EXOG: variants seen among roughly 807,000 people sequenced by gnomAD.
EXOG encodes the protein nuclease EXOG, mitochondrial.
A neutral mutation model predicts 25.8 loss-of-function variants in EXOG; 27 were observed. The ratio of observed to expected loss-of-function variants is 1.05; its 90% CI spans 0.77 to 1.45. The LOEUF is 1.45. Ranked by LOEUF, EXOG falls within the 40% of genes most tolerant of loss-of-function variation. The probability of loss-of-function intolerance (pLI) is 0.00; values close to 1 mark genes in which losing one functional copy is unlikely to be tolerated. For missense variants in EXOG, 458 were observed against 450.5 expected (o/e 1.02, Z -0.15); for synonymous variants, 133 against 167.0 (o/e 0.80, Z 1.57).
chr3:38,496,688 C>G (rs2059899376), intron 1 of EXOG, 158 bp downstream of exon 1: 1 of 1,441,864 alleles, frequency 6.9e-7, no homozygotes, highest in Middle Eastern at 2.2e-4. Flanking sequence ...GGCTCGGCCT[C>G]CCTTCCCCAC....
At chr3:38,512,507 T>G (rs553558123) in intron 5 of EXOG, among the ~76,000 whole-genome samples, 3 of 152,326 alleles carry the variant, frequency 2.0e-5, no homozygotes, top group Admixed American at 6.5e-5. Context: ...TATAAAATTA[T>G]GAAATTTATT....
Position 38,525,979 on chromosome 3 carries a change from C to A in EXOG, c.*1617C>A, listed in dbSNP as rs1176857284. The A allele has an allele frequency of 1.0e-6, 1 of 985,230 alleles. No homozygotes were observed. Among genetic ancestry groups the A allele is most frequent in the Non-Finnish European group, 1.2e-6 (1 of 829,922 alleles). 61.0% of individuals were successfully genotyped at this position (985,230 alleles called of 1,614,324 possible). Reference sequence around the variant, plus strand: ...AAGAAAAAAGAAAAAGGTCTGCCCACAAAATCACTAGCTTATTATTTGCTT... The same window carrying A: ...AAGAAAAAAGAAAAAGGTCTGCCCAAAAAATCACTAGCTTATTATTTGCTT... On this transcript the variant is annotated 3_prime_UTR_variant, in exon 6 of 6. Coordinates refer to ENST00000287675, the MANE Select transcript of EXOG (RefSeq NM_005107.4).
chr3:38,497,887 A>G, intron 2 of EXOG, 109 bp downstream of exon 2: 2 of 1,325,310 alleles, frequency 1.5e-6, no homozygotes, highest in Non-Finnish European at 2.0e-6. Flanking sequence ...ATCATAGCAC[A>G]TGTAGAAAAT....
rs1052278148 is a variant in EXOG, at chr3:38,526,229, A to G, written c.*1867A>G. ...ACTGCTGTCTTTTCCGAGTGGTATT[A>G]CAAGAAAGATTTTTGTGGTGTGTTT... On this transcript the variant is annotated 3_prime_UTR_variant, in exon 6 of 6. Transcript: ENST00000287675. The G allele has an allele frequency of 1.0e-6, 1 of 985,124 alleles. No individual in the cohort carries two copies. The highest frequency in any genetic ancestry group is 1.2e-6 in the Non-Finnish European group (1 of 829,756). 61.0% of individuals were successfully genotyped at this position (985,124 alleles called of 1,614,324 possible). A position where few individuals can be genotyped will look rare whatever the true frequency, so the allele number is the denominator to read the frequency against.
chr3:38,514,767 C>G (rs1373428386), intron 5 of EXOG, among the ~76,000 whole-genome samples: 4 of 120,450 alleles, frequency 3.3e-5, no homozygotes, highest in African/African-American at 1.6e-4. Context: ...ACCCTCCCCC[C>G]CCTCCCCCTG....
At chr3:38,500,573 A>G (rs1031458430) in intron 2 of EXOG, among the ~76,000 whole-genome samples, 1 of 152,216 alleles carries the variant, frequency 6.6e-6, no homozygotes, top group African/African-American at 2.4e-5. Context: ...CCTTGGAATC[A>G]GTGACTTCAT....
chr3:38,525,820 T>C lies in EXOG; in HGVS notation c.*1458T>C, dbSNP rs2060855729. Reference sequence around the variant, plus strand: ...TTAGCTGGGCGTGGTGGTGCACACCTGTAGTCCCAGCTACTCGGGAGGCTG... The same window carrying C: ...TTAGCTGGGCGTGGTGGTGCACACCCGTAGTCCCAGCTACTCGGGAGGCTG... On this transcript the variant is annotated 3_prime_UTR_variant, in exon 6 of 6. Transcript: ENST00000287675. 5.8e-6 allele frequency: 2 copies of C among 346,442 alleles called. No homozygotes were observed. Among genetic ancestry groups the C allele is most frequent in the Non-Finnish European group, 8.1e-6 (2 of 246,030 alleles). The allele number at this position is 346,442 out of a possible 1,614,324, so 21.5% of individuals were successfully genotyped here.
rs953247460 is a variant in EXOG at position 38,526,246 on chromosome 3, G to C, written c.*1884G>C. On this transcript the variant is annotated 3_prime_UTR_variant, in exon 6 of 6. Transcript: ENST00000287675. Reference sequence around the variant, plus strand: ...GTGGTATTACAAGAAAGATTTTTGTGGTGTGTTTGTTCTAAGAGAAATGCC... The same window carrying C: ...GTGGTATTACAAGAAAGATTTTTGTCGTGTGTTTGTTCTAAGAGAAATGCC... 3.0e-6 allele frequency: 3 copies of C among 984,832 alleles called. No individual in the cohort carries two copies. Among genetic ancestry groups the C allele is most frequent in the African/African-American group, 1.7e-5 (1 of 57,214 alleles). 61.0% of individuals were successfully genotyped at this position (984,832 alleles called of 1,614,324 possible).
chr3:38,507,399 A>G (rs896138995), intron 5 of EXOG, among the ~76,000 whole-genome samples: 7 of 152,208 alleles, frequency 4.6e-5, no homozygotes, highest in African/African-American at 7.2e-5. Flanking sequence ...ATGGAGCAGG[A>G]TGAGCACAGG....
intron 5 of EXOG, among the ~76,000 whole-genome samples, chr3:38,510,199 C>T (rs1238222611): frequency 1.3e-5 from 2 of 152,086 alleles, no homozygotes; most frequent in Non-Finnish European, 2.9e-5. Context: ...CAGCTGACTT[C>T]TACTTTACAA....
intron 4 of EXOG, among the ~76,000 whole-genome samples, chr3:38,505,734 C>T (rs577439480): frequency 8.6e-5 from 13 of 152,030 alleles, no homozygotes; most frequent in African/African-American, 2.9e-4. Context: ...GTGGGCAGAT[C>T]GCTTGAGGTC....
Position 38,523,937 on chromosome 3 carries a change from C to T in EXOG, c.682C>T (p.Leu228Phe). 1 of 1,586,204 alleles carries T rather than the reference C, an allele frequency of 6.3e-7. No homozygotes were observed. The highest frequency in any genetic ancestry group is 1.1e-5 in the South Asian group (1 of 87,294). Residue 228 changes from leucine to phenylalanine, a missense_variant, in exon 6 of 6, where the codon CTT (leucine) becomes TTT (phenylalanine). Physicochemically the swap from Leu to Phe is conservative, Grantham distance 22. Transcript: ENST00000287675. Reference sequence around the variant, plus strand: ...GGACAACGTGGCAGTCCCCTCACACCTTTATAAGGTAATCCTGGCCCGCAG... The same window carrying T: ...GGACAACGTGGCAGTCCCCTCACACTTTTATAAGGTAATCCTGGCCCGCAG... ...GEDNVAVPSH[L>F]YKVILARRSS...
chr3:38,517,677 T>G (rs2060589875), intron 5 of EXOG, among the ~76,000 whole-genome samples: 1 of 152,248 alleles, frequency 6.6e-6, no homozygotes, highest in Non-Finnish European at 1.5e-5. Flanking sequence ...AAGGCCTTTC[T>G]CCTCTGCTTT....
At chr3:38,521,619 A>G (rs557719875) in intron 5 of EXOG, among the ~76,000 whole-genome samples, 1 of 152,244 alleles carries the variant, frequency 6.6e-6, no homozygotes, top group Admixed American at 6.5e-5. Context: ...CTGGATTCCT[A>G]GCTAGCACCT....
intron 4 of EXOG, among the ~76,000 whole-genome samples, chr3:38,504,355 G>A (rs1169407450): frequency 8.4e-6 from 1 of 119,398 alleles, no homozygotes; most frequent in Non-Finnish European, 1.6e-5. Flanking sequence ...AACAGAGCAA[G>A]ACCCTATCTC....
intron 5 of EXOG, among the ~76,000 whole-genome samples, chr3:38,509,351 AT>A (rs1427684260): frequency 4.6e-5 from 7 of 152,234 alleles, no homozygotes; most frequent in African/African-American, 1.7e-4. Context: ...ATTTCACTAC[AT>A]AGATTTTTGT....
chr3:38,521,724 T>A (rs1448310128), intron 5 of EXOG, among the ~76,000 whole-genome samples: 1 of 152,194 alleles, frequency 6.6e-6, no homozygotes, highest in Non-Finnish European at 1.5e-5. Context: ...TTCCCCTGAA[T>A]CCCCTTCGTG....
At chr3:38,507,033 G>A (rs2060222583) in intron 5 of EXOG, 65 bp downstream of exon 5, 3 of 706,380 alleles carry the variant, frequency 4.2e-6, no homozygotes, top group Non-Finnish European at 7.1e-6. Context: ...TTTCCATTCT[G>A]CTTTTTATTT....
chr3:38,503,187 T>C (rs1186529164), intron 3 of EXOG, among the ~76,000 whole-genome samples: 3 of 152,214 alleles, frequency 2.0e-5, no homozygotes, highest in Non-Finnish European at 1.5e-5. Context: ...GAACACATAG[T>C]GGCCAGATAT....
Sources: gnomAD v4.1 joint callset for allele counts (sites outside exome capture counted in the v4.1 genomes callset) on GRCh38, gnomAD v4.1.1 for gene constraint, MANE v1.5 for transcripts, NCBI Gene and HGNC (gene_info 2026-07-23, HGNC 2026-07-21) for gene names.